LEAP2: variants seen among roughly 807,000 people sequenced by gnomAD.
The protein encoded by LEAP2 is liver-expressed antimicrobial peptide 2.
In LEAP2, 13 loss-of-function variants were observed where a neutral mutation model predicts 9.3. That is an observed-to-expected ratio of 1.39 (90% CI 0.91 to 2.21). The LOEUF (loss-of-function observed/expected upper bound fraction) is 2.21, where lower values mean the gene tolerates loss of function less well. Ranked by LOEUF, LEAP2 falls within the 30% of genes most tolerant of loss-of-function variation. The pLI is 0.00. For missense variants in LEAP2, 98 were observed against 94.0 expected (o/e 1.04, Z -0.17); for synonymous variants, 34 against 34.9 (o/e 0.98, Z 0.09).
At position 132,873,963 on chromosome 5, in the gene LEAP2, C is replaced by G. The variant is rs748826151; in HGVS notation, c.71C>G (p.Pro24Arg). Residue 24 changes from proline (P) to arginine (R), a missense_variant, in exon 2 of 3, where the codon CCA becomes CGA. Coordinates refer to ENST00000296877, the MANE Select transcript of LEAP2 (RefSeq NM_052971.3). ...LLLLGQIDGS[P>R]IPEVSSAKRR... ...TTGCCCTTACAGATAGATGGCTCCC[C>G]AATACCAGAAGTGAGTTCGGCAAAG... 1 of 1,613,958 alleles carries G rather than the reference C, an allele frequency of 6.2e-7. No individual in the cohort carries two copies. The highest frequency in any genetic ancestry group is 8.5e-7 in the Non-Finnish European group (1 of 1,179,974).
intron 1 of LEAP2, 23 bp from the exon 2 acceptor site, chr5:132,873,927 T>A (rs770898598): frequency 4.2e-5 from 67 of 1,613,086 alleles, no homozygotes; most frequent in Non-Finnish European, 4.7e-5. Flanking sequence ...CACTTTCATA[T>A]CTGAATGTCT....
At position 132,874,811 on chromosome 5, in the gene LEAP2, G is replaced by C. The variant is rs1759796198; in HGVS notation, c.*365G>C. On this transcript the variant is annotated 3_prime_UTR_variant, in exon 3 of 3. Transcript: ENST00000296877. ...TTAACTTCTCAATCTGGAAAGTGTA[G>C]TGAGAGCTACATAATCAATAGCTAC... The C allele has an allele frequency of 1.6e-5, 6 of 381,122 alleles. No homozygotes were observed. The highest frequency in any genetic ancestry group is 1.3e-4 in the South Asian group (6 of 45,414). The allele number at this position is 381,122 out of a possible 1,614,324, so 23.6% of individuals were successfully genotyped here.
chr5:132,874,231 C>G (rs978377242), intron 2 of LEAP2, 142 bp downstream of exon 2: 2 of 1,074,890 alleles, frequency 1.9e-6, no homozygotes, highest in Middle Eastern at 3.0e-4. Flanking sequence ...ATGGAAAATC[C>G]CTTAGGAGTT....
chr5:132,874,460 G>GA lies in LEAP2; in HGVS notation c.*17dup. On this transcript the variant is annotated 3_prime_UTR_variant, in exon 3 of 3. Transcript: ENST00000296877. ...GCCCAGGAATGATGTACATACCAGGGAAAGAAAGGACAGCAGTCACCTCCG... is the reference window on the plus strand; with the variant it reads ...GCCCAGGAATGATGTACATACCAGGGAAAAGAAAGGACAGCAGTCACCTCCG... 6.2e-7 allele frequency: 1 copy of GA among 1,611,444 alleles called. No homozygotes were observed. Among genetic ancestry groups the GA allele is most frequent in the Non-Finnish European group, 8.5e-7 (1 of 1,177,602 alleles).
exon 3 of LEAP2, chr5:132,875,030 C>CAAAAAAAAAAAAAAAAAAAA (rs35973948): frequency 1.2e-5 from 1 of 80,396 alleles, no homozygotes; most frequent in Non-Finnish European, 2.2e-5. Flanking sequence ...GACTCTGTCT[C>CAAAAAAAAAAAAAAAAAAAA]AAAAAAAAAA....
rs777659169 is a variant in LEAP2 at position 132,873,730 on chromosome 5, C to T, written c.36C>T (p.Ile12=). Residue 12 remains isoleucine (I), a synonymous_variant, in exon 1 of 3, where the codon ATC becomes ATT. Coordinates refer to ENST00000296877, the MANE Select transcript of LEAP2 (RefSeq NM_052971.3). ...WHLKLCAVLM[I]FLLLLGQIDG... ...TCAAACTTTGTGCAGTCCTCATGAT[C>T]TTCCTGTTGCTGTTGGGCCAGGTAA... 5 of 1,613,962 alleles carry T rather than the reference C, an allele frequency of 3.1e-6. No individual in the cohort carries two copies. In the African/African-American group the frequency reaches 6.7e-5, roughly 22 times the overall value.
chr5:132,873,916 A>G (rs754083388), intron 1 of LEAP2, 34 bp from the exon 2 acceptor site: 8 of 1,612,374 alleles, frequency 5.0e-6, no homozygotes, highest in Middle Eastern at 1.6e-4. Context: ...CAGGGTGTCA[A>G]CACTTTCATA....
At chr5:132,873,834 T>C in intron 1 of LEAP2, 83 bp downstream of exon 1, 4 of 1,566,944 alleles carry the variant, frequency 2.6e-6, no homozygotes, top group South Asian at 1.1e-5. Context: ...GATTCAGTCC[T>C]GAGGAATGGT....
Position 132,874,536 on chromosome 5 carries a change from A to T in LEAP2, c.*90A>T, listed in dbSNP as rs1307444469. On this transcript the variant is annotated 3_prime_UTR_variant, in exon 3 of 3. Coordinates refer to ENST00000296877, the MANE Select transcript of LEAP2 (RefSeq NM_052971.3). ...GATTAACTGCATTTTGGCTGGAGAC[A>T]CCCAAGTGAAGCAATCTTGTATTTT... 8.9e-7 allele frequency: 1 copy of T among 1,125,594 alleles called. No individual in the cohort carries two copies. 69.7% of individuals were successfully genotyped at this position (1,125,594 alleles called of 1,614,324 possible).
rs560790313 is a variant in LEAP2 at position 132,874,224 on chromosome 5, GA to G, written c.197+139del. ...CTAGACTGAGACTGGGAGCTCCATG[GA>G]AAATCCCTTAGGAGTTAGGAGCCAA... is the stretch of plus-strand genomic sequence containing the variant. On this transcript the variant is annotated intron_variant, in intron 2 of 2. Coordinates refer to ENST00000296877, the MANE Select transcript of LEAP2 (RefSeq NM_052971.3). 7.6e-5 allele frequency: 84 copies of G among 1,100,726 alleles called. 2 individuals carry two copies. In the East Asian group the frequency reaches 1.9e-3, roughly 25 times the overall value. The allele number at this position is 1,100,726 out of a possible 1,614,324, so 68.2% of individuals were successfully genotyped here. A position where few individuals can be genotyped will look rare whatever the true frequency, so the allele number is the denominator to read the frequency against.
In LEAP2 at chr5:132,874,445, G is replaced by T. The variant is rs753589859; in HGVS notation, c.233G>T (p.Ter78LeuextTer22). The change falls in exon 3 of 3, where the codon TGA (stop) becomes TTA (leucine). Residue 78 changes from the stop codon to leucine (L), a stop_lost. Coordinates refer to ENST00000296877, the MANE Select transcript of LEAP2 (RefSeq NM_052971.3). ...RRCSLSVAQE[*>L] ...TGTTCCTTAAGTGTGGCCCAGGAAT[G>T]ATGTACATACCAGGGAAAGAAAGGA... The T allele has an allele frequency of 1.2e-6, 2 of 1,613,448 alleles. No individual in the cohort carries two copies. Among genetic ancestry groups the T allele is most frequent in the Non-Finnish European group, 1.7e-6 (2 of 1,179,424 alleles).
Position 132,874,496 on chromosome 5 carries a change from G to C in LEAP2, c.*50G>C, listed in dbSNP as rs374069581. On this transcript the variant is annotated 3_prime_UTR_variant, in exon 3 of 3. Transcript: ENST00000296877. ...CAGCAGTCACCTCCGACAATGCTCC[G>C]TTCTATGGAATATTGATTAACTGCA... The C allele has an allele frequency of 6.7e-7, 1 of 1,500,582 alleles. No individual in the cohort carries two copies. Among genetic ancestry groups the C allele is most frequent in the South Asian group, 1.1e-5 (1 of 88,526 alleles). The allele number at this position is 1,500,582 out of a possible 1,614,324, so 93.0% of individuals were successfully genotyped here.
chr5:132,874,147 G>A, intron 2 of LEAP2, 58 bp downstream of exon 2: 1 of 1,538,660 alleles, frequency 6.5e-7, no homozygotes, highest in Non-Finnish European at 8.9e-7. Context: ...GCTGGGCAGA[G>A]GAGTGACAAG....
In LEAP2 at chr5:132,874,498, T is replaced by C; in HGVS notation, c.*52T>C. The stretch of plus-strand genomic sequence containing the variant: ...GCAGTCACCTCCGACAATGCTCCGT[T>C]CTATGGAATATTGATTAACTGCATT... On this transcript the variant is annotated 3_prime_UTR_variant, in exon 3 of 3. Coordinates refer to ENST00000296877, the MANE Select transcript of LEAP2 (RefSeq NM_052971.3). 6.7e-7 allele frequency: 1 copy of C among 1,489,012 alleles called. No homozygotes were observed. Among genetic ancestry groups the C allele is most frequent in the Non-Finnish European group, 9.4e-7 (1 of 1,066,318 alleles). 92.2% of individuals were successfully genotyped at this position (1,489,012 alleles called of 1,614,324 possible). A position where few individuals can be genotyped will look rare whatever the true frequency, so the allele number is the denominator to read the frequency against.
intron 2 of LEAP2, 121 bp downstream of exon 2, chr5:132,874,210 C>T: frequency 8.7e-7 from 1 of 1,155,772 alleles, no homozygotes; most frequent in Non-Finnish European, 1.2e-6. Context: ...TAGACTGAGA[C>T]TGGGAGCTCC....
chr5:132,873,967 AC>A lies in LEAP2; in HGVS notation c.77del (p.Pro26GlnfsTer3), dbSNP rs757866512. ...CCTTACAGATAGATGGCTCCCCAAT[AC>A]CAGAAGTGAGTTCGGCAAAGAGAAG... ...LLGQIDGSPI[P>X]EVSSAKRRPR... On this transcript the variant is annotated frameshift_variant, in exon 2 of 3. Transcript: ENST00000296877. LOFTEE classifies it high-confidence loss of function. 33 of 1,614,100 alleles carry A rather than the reference AC, an allele frequency of 2.0e-5. No individual in the cohort carries two copies. The African/African-American group carries it at 3.9e-4, about 19-fold the overall frequency.
chr5:132,874,460 G>A lies in LEAP2; in HGVS notation c.*14G>A, dbSNP rs1217729707. The A allele has an allele frequency of 2.5e-6, 4 of 1,611,444 alleles. No individual in the cohort carries two copies. In the Admixed American group the frequency reaches 5.0e-5, roughly 20 times the overall value. On this transcript the variant is annotated 3_prime_UTR_variant, in exon 3 of 3. Coordinates refer to ENST00000296877, the MANE Select transcript of LEAP2 (RefSeq NM_052971.3). Reference sequence around the variant, plus strand: ...GCCCAGGAATGATGTACATACCAGGGAAAGAAAGGACAGCAGTCACCTCCG... The same window carrying A: ...GCCCAGGAATGATGTACATACCAGGAAAAGAAAGGACAGCAGTCACCTCCG...
In LEAP2 at chr5:132,873,669, G is replaced by C. The variant is rs199559662; in HGVS notation, c.-26G>C. The C allele has an allele frequency of 6.2e-7, 1 of 1,609,290 alleles. No individual in the cohort carries two copies. The highest frequency in any genetic ancestry group is 2.2e-5 in the East Asian group (1 of 44,792). On this transcript the variant is annotated 5_prime_UTR_variant, in exon 1 of 3. Coordinates refer to ENST00000296877, the MANE Select transcript of LEAP2 (RefSeq NM_052971.3). ...AAGTAGGAACTGTCCCTGGCTTTCAGGCTCCAACATCCTCCCCCTGTCAAG... is the reference window on the plus strand; with the variant it reads ...AAGTAGGAACTGTCCCTGGCTTTCACGCTCCAACATCCTCCCCCTGTCAAG...
intron 2 of LEAP2, 61 bp from the exon 3 acceptor site, chr5:132,874,349 A>G (rs1759786396): frequency 1.4e-6 from 2 of 1,384,170 alleles, no homozygotes; most frequent in Non-Finnish European, 2.1e-6. Context: ...GAAATGCAGC[A>G]TAGGTGGCCC....
Sources: allele counts gnomAD v4.1 joint callset, GRCh38; gene constraint gnomAD v4.1.1; transcripts MANE v1.5; gene names NCBI Gene and HGNC (gene_info 2026-07-23, HGNC 2026-07-21).